Variants in CCDC146 observed in about 807,000 individuals in gnomAD.
CCDC146 encodes coiled-coil domain-containing protein 146.
In CCDC146, 92 loss-of-function variants were observed where a neutral mutation model predicts 119.3. The observed-to-expected ratio is 0.77, with a 90% CI of 0.65 to 0.92. The LOEUF (loss-of-function observed/expected upper bound fraction) is 0.92. Among genes scored for constraint, CCDC146 ranks in the 40% least tolerant of loss-of-function variants. The probability of loss-of-function intolerance (pLI) is 0.00; values close to 1 mark genes in which losing one functional copy is unlikely to be tolerated. For missense variants in CCDC146, 1,000 were observed against 1,103.0 expected, an observed-to-expected ratio of 0.91 and a Z score of 1.32; for synonymous variants, 372 against 371.8, an observed-to-expected ratio of 1.00 and a Z score of -0.01.
intron 4 of CCDC146, among the ~76,000 whole-genome samples, chr7:77,251,461 C>T (rs1368943453): frequency 6.6e-6 from 1 of 152,216 alleles, no homozygotes; most frequent in Admixed American, 6.5e-5. Flanking sequence ...ACATCCCTGC[C>T]ATATCTGGTT....
At chr7:77,154,143 G>A (rs1445721046) in intron 1 of CCDC146, among the ~76,000 whole-genome samples, 1 of 151,980 alleles carries the variant, frequency 6.6e-6, no homozygotes. Context: ...CCAGGGGTTG[G>A]GGGAGGTCCG....
chr7:77,197,272 T>G (rs1394842223), intron 2 of CCDC146, among the ~76,000 whole-genome samples: 1 of 152,252 alleles, frequency 6.6e-6, no homozygotes, highest in Non-Finnish European at 1.5e-5. Flanking sequence ...AATAATTTAG[T>G]ATTATGTAGT....
At chr7:77,162,369 T>C (rs1791275137) in intron 1 of CCDC146, among the ~76,000 whole-genome samples, 1 of 152,234 alleles carries the variant, frequency 6.6e-6, no homozygotes, top group Non-Finnish European at 1.5e-5. Flanking sequence ...CATGTGGCTA[T>C]CCAATTTCCC....
intron 14 of CCDC146, among the ~76,000 whole-genome samples, chr7:77,281,892 G>A (rs542864829): frequency 8.5e-5 from 13 of 152,298 alleles, no homozygotes; most frequent in African/African-American, 2.4e-4. Flanking sequence ...AAACCAAAGC[G>A]TTTGGACAAA....
chr7:77,236,212 T>A (rs1160612230), intron 2 of CCDC146, among the ~76,000 whole-genome samples: 2 of 152,254 alleles, frequency 1.3e-5, no homozygotes, highest in African/African-American at 4.8e-5. Context: ...TTTAGGATGG[T>A]AAAACTTTAG....
At chr7:77,132,661 C>A (rs1790802093) in intron 1 of CCDC146, among the ~76,000 whole-genome samples, 1 of 151,888 alleles carries the variant, frequency 6.6e-6, no homozygotes, top group African/African-American at 2.4e-5. Context: ...CAGTTGAGTC[C>A]AGGATGTCAA....
chr7:77,233,609 T>C (rs375620334), intron 2 of CCDC146, among the ~76,000 whole-genome samples: 31 of 152,360 alleles, frequency 2.0e-4, no homozygotes, highest in African/African-American at 7.2e-4. Context: ...TGTTCCACCG[T>C]AGATCATCAG....
At position 77,262,165 on chromosome 7, in the gene CCDC146, A is replaced by C. The variant is rs748305162; in HGVS notation, c.1031A>C (p.Gln344Pro). The C allele has an allele frequency of 3.7e-6, 6 of 1,612,384 alleles. No homozygotes were observed. Among genetic ancestry groups the C allele is most frequent in the Non-Finnish European group, 3.4e-6 (4 of 1,179,428 alleles). ...LNLRNSLIDK[Q>P]NYHDELSRKQ... ...TTACGCAACAGTCTCATTGACAAGC[A>C]GAACTACCATGATGAACTTTCTCGT... Residue 344 changes from glutamine (Q) to proline (P), a missense_variant, in exon 9 of 19, where the codon CAG becomes CCG. Gln to Pro is a moderately conservative substitution (Grantham distance 76, BLOSUM62 -1). Around this residue, in one of 2 missense-constraint regions of CCDC146, gnomAD observed 985 missense variants for 1,045.3 expected, o/e 0.94. Transcript: ENST00000285871.
At chr7:77,181,553 T>C (rs183012633) in intron 2 of CCDC146, among the ~76,000 whole-genome samples, 15 of 152,346 alleles carry the variant, frequency 9.8e-5, no homozygotes, top group Non-Finnish European at 1.8e-4. Context: ...TTAGTACATG[T>C]ACGGTCTTAG....
intron 2 of CCDC146, among the ~76,000 whole-genome samples, chr7:77,201,744 A>G (rs1178408120): frequency 6.6e-6 from 1 of 152,154 alleles, no homozygotes; most frequent in Non-Finnish European, 1.5e-5. Context: ...TCCATTCAAT[A>G]TATCCAATTT....
chr7:77,161,742 G>C (rs1157605593), intron 1 of CCDC146, among the ~76,000 whole-genome samples: 1 of 151,742 alleles, frequency 6.6e-6, no homozygotes, highest in Admixed American at 6.6e-5. Context: ...ACACATGTAA[G>C]TAACCTGCAC....
chr7:77,242,543 T>C (rs1406874252), intron 4 of CCDC146: 3 of 218,992 alleles, frequency 1.4e-5, no homozygotes, highest in Non-Finnish European at 2.3e-5. Context: ...AAATCTCTTC[T>C]AACATTCCCC....
At chr7:77,151,192 C>T (rs570008326) in intron 1 of CCDC146, among the ~76,000 whole-genome samples, 1 of 152,168 alleles carries the variant, frequency 6.6e-6, no homozygotes, top group Admixed American at 6.5e-5. Context: ...AGGCATTAAC[C>T]CCATTCAAGA....
In CCDC146 at chr7:77,280,579, G is replaced by A. The variant is rs1038101103; in HGVS notation, c.1845G>A (p.Thr615=). 2.5e-6 allele frequency: 4 copies of A among 1,613,958 alleles called. No homozygotes were observed. In the South Asian group the frequency reaches 3.3e-5, roughly 13 times the overall value. Residue 615 remains threonine, a synonymous_variant, in exon 14 of 19, where the codon ACG becomes ACA. Transcript: ENST00000285871. The part of the protein sequence containing the change: ...QLNNIDRLAN[T]ITMIEEEMVQ... The stretch of plus-strand genomic sequence containing the variant: ...ATAACATTGACAGACTTGCCAACAC[G>A]ATCACAATGATCGAAGAGGAGATGG...
intron 1 of CCDC146, among the ~76,000 whole-genome samples, chr7:77,140,140 C>T (rs1190445436): frequency 1.3e-5 from 2 of 151,892 alleles, no homozygotes; most frequent in South Asian, 2.1e-4. Flanking sequence ...GATGATCCGC[C>T]TGCCTCGGCC....
chr7:77,219,673 C>A (rs975535211), intron 2 of CCDC146, among the ~76,000 whole-genome samples: 7 of 152,134 alleles, frequency 4.6e-5, no homozygotes, highest in African/African-American at 1.7e-4. Flanking sequence ...AATGTAGGTT[C>A]TTTTCTATTT....
intron 2 of CCDC146, chr7:77,198,280 A>G (rs1053562706): frequency 7.1e-6 from 7 of 985,428 alleles, no homozygotes; most frequent in African/African-American, 7.0e-5. Context: ...TCTAAATGAA[A>G]GTGATCTCCG....
intron 2 of CCDC146, among the ~76,000 whole-genome samples, chr7:77,174,033 C>T (rs1791465701): frequency 6.6e-6 from 1 of 152,116 alleles, no homozygotes; most frequent in Non-Finnish European, 1.5e-5. Context: ...TCAGTCTGAT[C>T]AGGATCTACT....
At chr7:77,215,081 C>T (rs1792271172) in intron 2 of CCDC146, among the ~76,000 whole-genome samples, 1 of 152,014 alleles carries the variant, frequency 6.6e-6, no homozygotes, top group Non-Finnish European at 1.5e-5. Flanking sequence ...GGTTACCCTG[C>T]TGTAGAGGCA....
Sources: allele counts gnomAD v4.1 joint callset (sites outside exome capture counted in the v4.1 genomes callset), GRCh38; gene constraint gnomAD v4.1.1; regional missense constraint gnomAD v4.1.1; transcripts MANE v1.5; gene names NCBI Gene and HGNC (gene_info 2026-07-23, HGNC 2026-07-21).